Variants in SHISA9 observed in about 807,000 individuals in gnomAD.
SHISA9 encodes protein shisa-9.
A neutral mutation model predicts 38.0 loss-of-function variants in SHISA9; 13 were observed. That is an observed-to-expected ratio of 0.34 (90% CI 0.22 to 0.54). SHISA9 has a LOEUF of 0.54. Ranked by LOEUF, SHISA9 falls within the 20% of genes least tolerant of loss-of-function variation. The pLI, the probability that SHISA9 is intolerant of heterozygous loss-of-function variation, is 0.91. For missense variants in SHISA9, 538 were observed against 575.8 expected (o/e 0.93, Z 0.67); for synonymous variants, 275 against 242.0 (o/e 1.14, Z -1.27).
At chr16:13,366,715 C>T in the SHISA9 span, among the ~76,000 whole-genome samples, 2 of 151,996 alleles carry the variant, frequency 1.3e-5, no homozygotes, top group Non-Finnish European at 2.9e-5. Flanking sequence ...AGGCCAAGTG[C>T]AGTGACTCAT....
intron 2 of SHISA9, among the ~76,000 whole-genome samples, chr16:12,970,648 C>G (rs1042424066): frequency 1.3e-5 from 2 of 148,602 alleles, no homozygotes; most frequent in African/African-American, 5.0e-5. Context: ...GTAGCTGGAA[C>G]TATAGGCACA....
intron 2 of SHISA9, among the ~76,000 whole-genome samples, chr16:13,110,749 G>A (rs774931545): frequency 1.5e-4 from 23 of 152,212 alleles, no homozygotes; most frequent in Non-Finnish European, 2.8e-4. Flanking sequence ...TTATCCTGGA[G>A]AAAGCTGGGG....
At chr16:13,404,389 A>T in the SHISA9 span, among the ~76,000 whole-genome samples, 3 of 152,224 alleles carry the variant, frequency 2.0e-5, no homozygotes, top group Admixed American at 1.3e-4. Flanking sequence ...ATTTGTCCTC[A>T]TCGGGGAAGT....
At chr16:13,469,435 G>GAAAGAAAA in the SHISA9 span, among the ~76,000 whole-genome samples, 37 of 124,564 alleles carry the variant, frequency 3.0e-4, no homozygotes, top group African/African-American at 1.1e-3. Flanking sequence ...AAGAAAGAAA[G>GAAAGAAAA]AGAAAGAAAG....
the SHISA9 span, among the ~76,000 whole-genome samples, chr16:13,263,768 G>T: frequency 6.6e-6 from 1 of 152,054 alleles, no homozygotes; most frequent in East Asian, 1.9e-4. Context: ...GGGTTTTATT[G>T]TGTAGTATAG....
At chr16:13,232,144 T>C (rs569572558) in intron 4 of SHISA9, among the ~76,000 whole-genome samples, 1 of 152,326 alleles carries the variant, frequency 6.6e-6, no homozygotes, top group East Asian at 1.9e-4. Context: ...TTAACCTTTA[T>C]GTAAGTTCAC....
chr16:12,934,830 G>T (rs1169587502), intron 2 of SHISA9, among the ~76,000 whole-genome samples: 1 of 152,084 alleles, frequency 6.6e-6, no homozygotes, highest in Non-Finnish European at 1.5e-5. Flanking sequence ...AGGAAATTTT[G>T]GTTACAAGCA....
intron 2 of SHISA9, among the ~76,000 whole-genome samples, chr16:13,088,357 A>G (rs2073736948): frequency 6.6e-6 from 1 of 152,206 alleles, no homozygotes; most frequent in South Asian, 2.1e-4. Flanking sequence ...GAAGAAAGTC[A>G]TTGGTAGCTT....
At chr16:13,058,782 T>A (rs1212124799) in intron 2 of SHISA9, among the ~76,000 whole-genome samples, 2 of 151,510 alleles carry the variant, frequency 1.3e-5, no homozygotes, top group African/African-American at 4.9e-5. Flanking sequence ...TGTGTGTGTG[T>A]GAATGTGTAT....
At chr16:12,937,863 CT>C (rs5815729) in intron 2 of SHISA9, among the ~76,000 whole-genome samples, 1 of 152,044 alleles carries the variant, frequency 6.6e-6, no homozygotes, top group African/African-American at 2.4e-5. Flanking sequence ...ATACTGGAGA[CT>C]TTTTTTTGCT....
At chr16:13,188,554 C>T (rs1290965484) in intron 2 of SHISA9, among the ~76,000 whole-genome samples, 1 of 151,498 alleles carries the variant, frequency 6.6e-6, no homozygotes, top group Non-Finnish European at 1.5e-5. Flanking sequence ...CCCGTCTCTA[C>T]AAAAATAAAA....
chr16:13,322,202 G>A, the SHISA9 span, among the ~76,000 whole-genome samples: 1 of 152,210 alleles, frequency 6.6e-6, no homozygotes, highest in African/African-American at 2.4e-5. Context: ...AACCAGATCA[G>A]CAAATCAGCC....
At chr16:12,978,871 G>A (rs565704788) in intron 2 of SHISA9, among the ~76,000 whole-genome samples, 81 of 152,318 alleles carry the variant, frequency 5.3e-4, no homozygotes, top group African/African-American at 1.9e-3. Flanking sequence ...AGTAATTGTA[G>A]AATCTAGATG....
intron 2 of SHISA9, among the ~76,000 whole-genome samples, chr16:12,939,206 C>T (rs1484802152): frequency 6.6e-6 from 1 of 152,094 alleles, no homozygotes. Context: ...GCCTTAGCCT[C>T]CTGAGTAGCT....
downstream of SHISA9, among the ~76,000 whole-genome samples, chr16:13,242,731 C>A (rs192137256): frequency 2.0e-5 from 3 of 152,182 alleles, no homozygotes; most frequent in African/African-American, 7.2e-5. Context: ...CAACCCTGCT[C>A]TCTGACTGGA....
At chr16:12,986,379 T>C (rs2072309502) in intron 2 of SHISA9, among the ~76,000 whole-genome samples, 1 of 151,800 alleles carries the variant, frequency 6.6e-6, no homozygotes, top group South Asian at 2.1e-4. Context: ...TAGAAGTAAT[T>C]TGGAGTTTCA....
At chr16:13,076,963 A>G (rs960024954) in intron 2 of SHISA9, among the ~76,000 whole-genome samples, 11 of 152,190 alleles carry the variant, frequency 7.2e-5, no homozygotes, top group African/African-American at 2.2e-4. Flanking sequence ...CGTAGTGTCA[A>G]TGACACTTTG....
At chr16:13,141,087 A>T (rs1405293940) in intron 2 of SHISA9, among the ~76,000 whole-genome samples, 1 of 152,144 alleles carries the variant, frequency 6.6e-6, no homozygotes, top group Non-Finnish European at 1.5e-5. Context: ...ATAATTAATC[A>T]TGGAAAATTT....
chr16:13,250,346 G>A, the SHISA9 span, among the ~76,000 whole-genome samples: 2 of 152,086 alleles, frequency 1.3e-5, no homozygotes, highest in African/African-American at 4.8e-5. Context: ...CCTGAGGAGT[G>A]GCAAATAGAA....
Sources: allele counts gnomAD v4.1 joint callset (sites outside exome capture counted in the v4.1 genomes callset), GRCh38; gene constraint gnomAD v4.1.1; transcripts MANE v1.5; gene names NCBI Gene and HGNC (gene_info 2026-07-23, HGNC 2026-07-21).